Variants in ZNF341 observed in about 807,000 individuals in gnomAD.
The protein encoded by ZNF341 is zinc finger protein 341.
In ZNF341, 52 loss-of-function variants were observed where a neutral mutation model predicts 87.7. That is an observed-to-expected ratio of 0.59 (90% CI 0.47 to 0.75). ZNF341 has a LOEUF of 0.75. ZNF341 is among the 30% of genes least tolerant of loss of function. ZNF341 has a pLI of 0.00. For synonymous variants in ZNF341, 459 were observed against 472.7 expected (o/e 0.97, Z 0.38); for missense variants, 977 against 1,145.9 (o/e 0.85, Z 2.13).
At chr20:33,744,464 A>T (rs887505199) in intron 2 of ZNF341, among the ~76,000 whole-genome samples, 1 of 152,198 alleles carries the variant, frequency 6.6e-6, no homozygotes, top group African/African-American at 2.4e-5. Flanking sequence ...TTGGGGACTG[A>T]TGAATAAATT....
At chr20:33,776,660 A>G (rs1198661158) in intron 10 of ZNF341, among the ~76,000 whole-genome samples, 2 of 152,202 alleles carry the variant, frequency 1.3e-5, no homozygotes, top group East Asian at 1.9e-4. Context: ...GTCTGGGATT[A>G]TAGGCGTGAG....
chr20:33,776,705 CAG>C (rs1205279507), intron 10 of ZNF341, among the ~76,000 whole-genome samples: 19 of 151,844 alleles, frequency 1.3e-4, no homozygotes, highest in African/African-American at 4.4e-4. Context: ...TTTTTAGAGA[CAG>C]AGTCTCACTG....
intron 4 of ZNF341, among the ~76,000 whole-genome samples, chr20:33,752,738 C>T (rs1184548052): frequency 1.3e-5 from 2 of 150,976 alleles, no homozygotes; most frequent in African/African-American, 2.4e-5. Flanking sequence ...CTGCCAGCTC[C>T]GTCTCCCAGG....
At chr20:33,789,711 C>T in intron 14 of ZNF341, 123 bp downstream of exon 14, 1 of 1,060,750 alleles carries the variant, frequency 9.4e-7, no homozygotes, top group Non-Finnish European at 1.4e-6. Flanking sequence ...TGGCACATTC[C>T]AGCCAGCACT....
At chr20:33,738,903 C>G (rs1451568538) in intron 1 of ZNF341, among the ~76,000 whole-genome samples, 3 of 152,338 alleles carry the variant, frequency 2.0e-5, no homozygotes, top group Non-Finnish European at 4.4e-5. Flanking sequence ...GGGACACAGC[C>G]TGCATTGTGA....
rs1442139484 is a variant in ZNF341, at chr20:33,764,263, G to A, written c.1222+2208G>A. On this transcript the variant is annotated intron_variant, in intron 8 of 14. Transcript: ENST00000375200. ...AGGATGGTCTCCATCTCCTGACCTC[G>A]TGATCCACTCACCTCGGCCTCCCAA... Among the ~76,000 whole-genome samples, 5 of 150,042 alleles carry A rather than the reference G, an allele frequency of 3.3e-5. No individual in the cohort carries two copies. In the East Asian group the frequency reaches 6.0e-4, roughly 18 times the overall value.
At chr20:33,784,525 T>G (rs1056698557) in intron 12 of ZNF341, among the ~76,000 whole-genome samples, 2 of 138,092 alleles carry the variant, frequency 1.4e-5, no homozygotes, top group Admixed American at 1.5e-4. Flanking sequence ...TGGCCCCTGA[T>G]CCACCTGCCT....
chr20:33,765,823 T>C (rs1363210498), intron 8 of ZNF341, among the ~76,000 whole-genome samples: 1 of 152,182 alleles, frequency 6.6e-6, no homozygotes, highest in Non-Finnish European at 1.5e-5. Flanking sequence ...GCCCCTGATG[T>C]CAAGGAAAGT....
At chr20:33,782,919 G>T (rs1173193803) in intron 11 of ZNF341, among the ~76,000 whole-genome samples, 3 of 152,162 alleles carry the variant, frequency 2.0e-5, no homozygotes, top group African/African-American at 4.8e-5. Flanking sequence ...ACTTCGGGAG[G>T]CTGAGGCGGG....
intron 9 of ZNF341, 123 bp downstream of exon 9, chr20:33,767,164 T>G: frequency 8.6e-7 from 1 of 1,156,480 alleles, no homozygotes; most frequent in Non-Finnish European, 1.2e-6. Flanking sequence ...CACGGCTCTA[T>G]TCCCCCCGGG....
rs985088840 is a variant in ZNF341, at chr20:33,775,498, C to T, written c.1622+5206C>T. On this transcript the variant is annotated intron_variant, in intron 10 of 14. Coordinates refer to ENST00000375200, the MANE Select transcript of ZNF341 (RefSeq NM_001282933.2). ...TGCTAGGATTACAGGTGTGAGCCAC[C>T]GTGCCCGGCCTTTTTTTTTTTTTTT... Among the ~76,000 whole-genome samples the T allele has an allele frequency of 4.0e-5, 6 of 150,728 alleles. No individual in the cohort carries two copies. In the East Asian group the frequency reaches 9.7e-4, roughly 24 times the overall value.
chr20:33,753,872 T>C (rs1366972197), intron 5 of ZNF341, among the ~76,000 whole-genome samples: 1 of 152,194 alleles, frequency 6.6e-6, no homozygotes, highest in Non-Finnish European at 1.5e-5. Context: ...ATTATTCACG[T>C]GTTTACAGTG....
intron 4 of ZNF341, among the ~76,000 whole-genome samples, chr20:33,751,011 G>A (rs1271229950): frequency 6.6e-6 from 1 of 152,084 alleles, no homozygotes; most frequent in African/African-American, 2.4e-5. Flanking sequence ...CTGGGCTCAA[G>A]CAATCCTCCT....
At chr20:33,790,823 G>C (rs771603421) in intron 14 of ZNF341, among the ~76,000 whole-genome samples, 165 bp from the exon 15 acceptor site, 7 of 152,220 alleles carry the variant, frequency 4.6e-5, no homozygotes, top group Non-Finnish European at 5.9e-5. Flanking sequence ...GAGTGTGGCT[G>C]GCGCAGAGAG....
chr20:33,732,747 C>T lies in ZNF341; in HGVS notation c.31+695C>T, dbSNP rs2018598979. ...AACGCTGGGTGCCGACAGACTGTTCCGTGCTCTGCAAGAACCTGGGATGGG... is the reference window on the plus strand; with the variant it reads ...AACGCTGGGTGCCGACAGACTGTTCTGTGCTCTGCAAGAACCTGGGATGGG... On this transcript the variant is annotated intron_variant, in intron 1 of 14. Transcript: ENST00000375200. The surrounding 1 kb of genome is among the most constrained non-coding windows in gnomAD (Gnocchi z 4.5). 6.6e-6 allele frequency among the ~76,000 whole-genome samples: 1 copy of T among 152,202 alleles called. No individual in the cohort carries two copies. The highest frequency in any genetic ancestry group is 2.4e-5 in the African/African-American group (1 of 41,460).
chr20:33,761,177 G>T (rs1332201678), intron 7 of ZNF341, among the ~76,000 whole-genome samples: 1 of 152,082 alleles, frequency 6.6e-6, no homozygotes, highest in Non-Finnish European at 1.5e-5. Flanking sequence ...AAAAAAGTGA[G>T]TTGATTTGAA....
chr20:33,786,935 T>A (rs1252431555), intron 12 of ZNF341, among the ~76,000 whole-genome samples: 1 of 138,800 alleles, frequency 7.2e-6, no homozygotes, highest in East Asian at 2.1e-4. Context: ...ACCACTGCAC[T>A]CCAGCCTGGG....
At chr20:33,770,343 G>GGGGGGGGC in intron 10 of ZNF341, 51 bp downstream of exon 10, 1 of 511,254 alleles carries the variant, frequency 2.0e-6, no homozygotes. Context: ...GGTGGGCAGG[G>GGGGGGGGC]AGCCCAGGGC....
chr20:33,768,861 A>G (rs1471255870), intron 9 of ZNF341, among the ~76,000 whole-genome samples: 1 of 152,220 alleles, frequency 6.6e-6, no homozygotes, highest in African/African-American at 2.4e-5. Flanking sequence ...TCGAGATGTT[A>G]AAAACATACT....
Sources: allele counts gnomAD v4.1 joint callset (sites outside exome capture counted in the v4.1 genomes callset), GRCh38; gene constraint gnomAD v4.1.1; non-coding constraint Gnocchi (gnomAD v3.1); transcripts MANE v1.5; gene names NCBI Gene and HGNC (gene_info 2026-07-23, HGNC 2026-07-21).